The following SPARC variants were observed in gnomAD, a reference collection of about 807,000 sequenced individuals.
SPARC encodes basement-membrane protein 40.
Under a neutral mutation model 37.7 loss-of-function variants are expected in SPARC, and 23 were observed. That is an observed-to-expected ratio of 0.61 (90% CI 0.44 to 0.87). SPARC has a LOEUF of 0.87. SPARC is among the 40% of genes least tolerant of loss of function. The pLI is 0.00. For missense variants in SPARC, 312 were observed against 389.0 expected (o/e 0.80, Z 1.66); for synonymous variants, 155 against 150.8 (o/e 1.03, Z -0.20).
intron 6 of SPARC, 44 bp from the exon 7 acceptor site, chr5:151,667,644 GCCGTGCT>G (rs1760657739): frequency 6.2e-7 from 1 of 1,603,030 alleles, no homozygotes; most frequent in Non-Finnish European, 8.5e-7. Flanking sequence ...CCCTGCCTGG[GCCGTGCT>G]CCCCACCCCA....
chr5:151,671,325 C>T (rs1760744751), intron 5 of SPARC, among the ~76,000 whole-genome samples: 1 of 152,180 alleles, frequency 6.6e-6, no homozygotes, highest in African/African-American at 2.4e-5. Flanking sequence ...ACTCTTAGCT[C>T]TAAGAGTCTG....
chr5:151,663,434 C>T lies in SPARC; in HGVS notation c.*137G>A, dbSNP rs1760553131. The T allele has an allele frequency of 9.6e-6, 8 of 836,522 alleles. No homozygotes were observed. The highest frequency in any genetic ancestry group is 6.4e-5 in the South Asian group (4 of 62,798). The allele number at this position is 836,522 out of a possible 1,614,324, so 51.8% of individuals were successfully genotyped here. On this transcript the variant is annotated 3_prime_UTR_variant, in exon 10 of 10. Transcript: ENST00000231061. Reference sequence around the variant, plus strand: ...GGGTTAGAATTTTCATTTTTAGCACCGTTAATGTATTCACTTAAATCTATG... The same window carrying T: ...GGGTTAGAATTTTCATTTTTAGCACTGTTAATGTATTCACTTAAATCTATG...
At position 151,671,698 on chromosome 5, in the gene SPARC, T is replaced by C. The variant is rs746331778; in HGVS notation, c.209-4A>G. ...CAGTGGTGGTTCTGGCAGGGATCTG[T>C]AGGGCAGAAAGACAAGGGAGTTAGC... On this transcript the variant is annotated splice_region_variant and splice_polypyrimidine_tract_variant and intron_variant, in intron 4 of 9. Coordinates refer to ENST00000231061, the MANE Select transcript of SPARC (RefSeq NM_003118.4). The C allele has an allele frequency of 3.7e-6, 6 of 1,613,520 alleles. No homozygotes were observed. The African/African-American group carries it at 5.3e-5, about 14-fold the overall frequency.
rs1467782624 is a variant in SPARC, at chr5:151,662,978, T to C, written c.*593A>G. On this transcript the variant is annotated 3_prime_UTR_variant, in exon 10 of 10. Coordinates refer to ENST00000231061, the MANE Select transcript of SPARC (RefSeq NM_003118.4). ...AACTGGGCTTATGTGAGAATGTCTA[T>C]ATTTTCATAACACAGCCCCAGAATC... 1 of 152,394 alleles carries C rather than the reference T, an allele frequency of 6.6e-6. No homozygotes were observed. The highest frequency in any genetic ancestry group is 2.4e-5 in the African/African-American group (1 of 41,452). 9.4% of individuals were successfully genotyped at this position (152,394 alleles called of 1,614,324 possible). A position where few individuals can be genotyped will look rare whatever the true frequency, so the allele number is the denominator to read the frequency against.
At chr5:151,677,562 T>C (rs1270526703) in intron 1 of SPARC, among the ~76,000 whole-genome samples, 1 of 152,216 alleles carries the variant, frequency 6.6e-6, no homozygotes, top group African/African-American at 2.4e-5. Flanking sequence ...TTTTGGTCTC[T>C]CTAGACCTTG....
At chr5:151,663,966 G>T in intron 9 of SPARC, 121 bp downstream of exon 9, 1 of 1,188,214 alleles carries the variant, frequency 8.4e-7, no homozygotes, top group Non-Finnish European at 1.2e-6. Context: ...AGAGAGCAGA[G>T]ACAGGCAGAG....
chr5:151,685,552 T>C (rs1761119695), intron 1 of SPARC, among the ~76,000 whole-genome samples: 1 of 151,974 alleles, frequency 6.6e-6, no homozygotes, highest in African/African-American at 2.4e-5. Flanking sequence ...TTGAATATTT[T>C]AGAGGACACA....
intron 5 of SPARC, among the ~76,000 whole-genome samples, chr5:151,671,194 G>A (rs529444510): frequency 2.0e-5 from 3 of 152,300 alleles, no homozygotes; most frequent in East Asian, 1.9e-4. Context: ...GACCTGAAAA[G>A]GTTCGGCAAC....
At chr5:151,673,607 C>T (rs893954994) in intron 3 of SPARC, among the ~76,000 whole-genome samples, 1 of 152,110 alleles carries the variant, frequency 6.6e-6, no homozygotes, top group African/African-American at 2.4e-5. Flanking sequence ...ATTCACTGAG[C>T]CAGATTAAAT....
chr5:151,673,769 T>C (rs1321443725), intron 3 of SPARC, among the ~76,000 whole-genome samples: 1 of 152,184 alleles, frequency 6.6e-6, no homozygotes, highest in Non-Finnish European at 1.5e-5. Flanking sequence ...TGAAGTCTCG[T>C]GTCTCCCTAA....
At chr5:151,671,499 C>A in intron 5 of SPARC, 74 bp downstream of exon 5, 1 of 1,485,252 alleles carries the variant, frequency 6.7e-7, no homozygotes, top group Non-Finnish European at 9.0e-7. Flanking sequence ...ACCAAGCCAA[C>A]AGTTTCCTGA....
intron 1 of SPARC, chr5:151,679,112 G>A (rs996225117): frequency 6.6e-6 from 1 of 152,238 alleles, no homozygotes; most frequent in Non-Finnish European, 1.5e-5. Context: ...GGTGTAGCGT[G>A]CCTGGCGAAA....
intron 5 of SPARC, 97 bp downstream of exon 5, chr5:151,671,465 AGACTGGCACTG>A (rs1215667033): frequency 7.5e-7 from 1 of 1,334,614 alleles, no homozygotes; most frequent in Non-Finnish European, 1.0e-6. Context: ...GGGACTTCTG[AGACTGGCACTG>A]CCCCATAGAA....
At chr5:151,680,978 G>A (rs1037253978) in intron 1 of SPARC, among the ~76,000 whole-genome samples, 6 of 152,196 alleles carry the variant, frequency 3.9e-5, no homozygotes, top group African/African-American at 1.2e-4. Context: ...GCCCCTGTTG[G>A]TCTGGGTAAG....
chr5:151,679,851 T>C (rs1486699438), intron 1 of SPARC: 1 of 152,222 alleles, frequency 6.6e-6, no homozygotes, highest in African/African-American at 2.4e-5. Context: ...CTCAGAATCA[T>C]AGAATCATGG....
At position 151,664,254 on chromosome 5, in the gene SPARC, G is replaced by T. The variant is rs1760578525; in HGVS notation, c.735-19C>A. 1 of 1,609,928 alleles carries T rather than the reference G, an allele frequency of 6.2e-7. No homozygotes were observed. Among genetic ancestry groups the T allele is most frequent in the African/African-American group, 1.3e-5 (1 of 74,840 alleles). On this transcript the variant is annotated intron_variant, in intron 8 of 9. Coordinates refer to ENST00000231061, the MANE Select transcript of SPARC (RefSeq NM_003118.4). The stretch of plus-strand genomic sequence containing the variant: ...GAGGTACCTGCAGGGAAGGAGGCAG[G>T]GGAGGGCCTGAGGCATGGAAAAGCT...
At chr5:151,683,594 A>G (rs1761060214) in intron 1 of SPARC, among the ~76,000 whole-genome samples, 1 of 152,094 alleles carries the variant, frequency 6.6e-6, no homozygotes, top group Non-Finnish European at 1.5e-5. Context: ...GATCCATATT[A>G]TGTTTGACTG....
intron 6 of SPARC, among the ~76,000 whole-genome samples, chr5:151,668,644 G>A (rs1760682341): frequency 6.6e-6 from 1 of 152,104 alleles, no homozygotes; most frequent in East Asian, 1.9e-4. Flanking sequence ...ATCAGCTGGG[G>A]TCTGGGAGAG....
At chr5:151,681,063 A>C (rs1258992919) in intron 1 of SPARC, among the ~76,000 whole-genome samples, 1 of 152,228 alleles carries the variant, frequency 6.6e-6, no homozygotes, top group African/African-American at 2.4e-5. Flanking sequence ...GATACCAGCC[A>C]AGCATCTCAC....
Sources: gnomAD v4.1 joint callset for allele counts (sites outside exome capture counted in the v4.1 genomes callset) on GRCh38, gnomAD v4.1.1 for gene constraint, MANE v1.5 for transcripts, NCBI Gene and HGNC (gene_info 2026-07-23, HGNC 2026-07-21) for gene names.